RANBP2: variants seen among roughly 807,000 people sequenced by gnomAD.
RANBP2 encodes E3 SUMO-protein ligase RanBP2.
A neutral mutation model predicts 303.6 loss-of-function variants in RANBP2; 57 were observed. That is an observed-to-expected ratio of 0.19 (90% confidence interval 0.15 to 0.23). The LOEUF (loss-of-function observed/expected upper bound fraction) is 0.23, where lower values mean the gene tolerates loss of function less well. Among genes scored for constraint, RANBP2 ranks in the 10% least tolerant of loss-of-function variants. The pLI is 1.00. For missense variants in RANBP2, 3,138 were observed against 3,780.8 expected (o/e 0.83, Z 4.46); for synonymous variants, 1,167 against 1,301.5 (o/e 0.90, Z 2.23).
the RANBP2 span, among the ~76,000 whole-genome samples, chr2:109,688,601 A>ATCTCTT: frequency 6.6e-6 from 1 of 151,892 alleles, no homozygotes; most frequent in African/African-American, 2.4e-5. Context: ...CAACGTGGTG[A>ATCTCTT]AACCTTGTCT....
the RANBP2 span, among the ~76,000 whole-genome samples, chr2:109,225,822 G>A: frequency 6.6e-6 from 1 of 152,214 alleles, no homozygotes; most frequent in Non-Finnish European, 1.5e-5. Context: ...CTGCACTGCA[G>A]AAGTGCGATC....
chr2:109,555,686 A>G, the RANBP2 span, among the ~76,000 whole-genome samples: 1 of 152,190 alleles, frequency 6.6e-6, no homozygotes, highest in African/African-American at 2.4e-5. Context: ...GTTAGCAATA[A>G]TATGAACCTG....
At chr2:109,120,243 G>A in the RANBP2 span, among the ~76,000 whole-genome samples, 1 of 152,168 alleles carries the variant, frequency 6.6e-6, no homozygotes, top group African/African-American at 2.4e-5. Context: ...CCCAGTATAG[G>A]CCCAGCTGGC....
chr2:109,291,768 G>A, the RANBP2 span, among the ~76,000 whole-genome samples: 27 of 152,346 alleles, frequency 1.8e-4, no homozygotes, highest in Admixed American at 5.9e-4. Context: ...ACTTGGTAAG[G>A]TCTCCAGTTT....
At chr2:109,254,776 C>T in the RANBP2 span, among the ~76,000 whole-genome samples, 1 of 152,082 alleles carries the variant, frequency 6.6e-6, no homozygotes, top group Non-Finnish European at 1.5e-5. Flanking sequence ...GACAGTGCCC[C>T]ATGAGCGCTC....
At chr2:109,483,335 A>G in the RANBP2 span, among the ~76,000 whole-genome samples, 1 of 152,172 alleles carries the variant, frequency 6.6e-6, no homozygotes, top group Non-Finnish European at 1.5e-5. Context: ...TGCAAGCCCC[A>G]GTGGTGCCTC....
chr2:109,509,507 G>A, the RANBP2 span, among the ~76,000 whole-genome samples: 8 of 152,074 alleles, frequency 5.3e-5, no homozygotes, highest in East Asian at 1.9e-4. Context: ...GTGGCGGGTC[G>A]TCTTGCCCGG....
the RANBP2 span, among the ~76,000 whole-genome samples, chr2:108,858,376 C>T: frequency 3.9e-5 from 6 of 151,980 alleles, no homozygotes; most frequent in South Asian, 2.1e-4. Flanking sequence ...AAAACACCAA[C>T]GCTGTGCCCT....
chr2:109,577,390 T>C, the RANBP2 span, among the ~76,000 whole-genome samples: 7 of 151,974 alleles, frequency 4.6e-5, no homozygotes, highest in Non-Finnish European at 8.8e-5. Context: ...GGTCAGGAGT[T>C]CGAGACCAGC....
the RANBP2 span, among the ~76,000 whole-genome samples, chr2:109,099,503 G>A: frequency 6.6e-6 from 1 of 152,166 alleles, no homozygotes; most frequent in African/African-American, 2.4e-5. Context: ...TGGTTAGCAA[G>A]GTGGCGTACA....
At chr2:109,663,408 C>A in the RANBP2 span, among the ~76,000 whole-genome samples, 1 of 152,124 alleles carries the variant, frequency 6.6e-6, no homozygotes, top group Admixed American at 6.5e-5. Flanking sequence ...CTGTGGAGTA[C>A]CTACTGTGCC....
the RANBP2 span, among the ~76,000 whole-genome samples, chr2:109,158,553 G>C: frequency 2.0e-5 from 3 of 152,186 alleles, no homozygotes; most frequent in Non-Finnish European, 4.4e-5. Context: ...GGCGCTCAGG[G>C]CTGTCTGACT....
chr2:108,765,336 T>C lies in RANBP2; in HGVS notation c.4797T>C (p.Phe1599=). 6.2e-7 allele frequency: 1 copy of C among 1,613,706 alleles called. No individual in the cohort carries two copies. Among genetic ancestry groups the C allele is most frequent in the Non-Finnish European group, 8.5e-7 (1 of 1,179,850 alleles). The stretch of plus-strand genomic sequence containing the variant: ...CAAGCAAGGCTCCAAAGAGCGGATT[T>C]GAGGGAATGTTCACTAAGAAGGAGG... The part of the protein sequence containing the change: ...SETSKAPKSG[F]EGMFTKKEGQ... The change falls in exon 20 of 29, where the codon TTT becomes TTC. Residue 1599 remains phenylalanine, a synonymous_variant. Coordinates refer to ENST00000283195, the MANE Select transcript of RANBP2 (RefSeq NM_006267.5).
At chr2:108,912,723 T>C in the RANBP2 span, 1 of 1,602,824 alleles carries the variant, frequency 6.2e-7, no homozygotes, top group Non-Finnish European at 8.5e-7. Context: ...CTGCCCGAGG[T>C]GCCAGGGAAG....
the RANBP2 span, among the ~76,000 whole-genome samples, chr2:108,863,348 C>G: frequency 1.3e-5 from 2 of 152,156 alleles, no homozygotes; most frequent in Non-Finnish European, 2.9e-5. Flanking sequence ...TTAGGAAATA[C>G]AATGGGAAGG....
chr2:109,570,349 T>C, the RANBP2 span, among the ~76,000 whole-genome samples: 14 of 152,166 alleles, frequency 9.2e-5, no homozygotes, highest in Non-Finnish European at 1.9e-4. Flanking sequence ...GTAATGCTCA[T>C]TAATGTCTTT....
the RANBP2 span, among the ~76,000 whole-genome samples, chr2:109,430,185 A>T: frequency 6.6e-6 from 1 of 152,336 alleles, no homozygotes; most frequent in East Asian, 1.9e-4. Context: ...TGAGTTGCAT[A>T]CTGTTGCCCA....
the RANBP2 span, chr2:108,910,899 T>C: frequency 1.2e-6 from 2 of 1,612,880 alleles, no homozygotes; most frequent in Admixed American, 3.3e-5. Context: ...ACAGGGGGAG[T>C]TGACGGAGAG....
chr2:109,490,027 C>T, the RANBP2 span, among the ~76,000 whole-genome samples: 9 of 152,176 alleles, frequency 5.9e-5, no homozygotes, highest in Non-Finnish European at 1.3e-4. Context: ...CATGAGCCAC[C>T]GTGCCCAGCC....
Sources: allele counts gnomAD v4.1 joint callset (sites outside exome capture counted in the v4.1 genomes callset), GRCh38; gene constraint gnomAD v4.1.1; transcripts MANE v1.5; gene names NCBI Gene and HGNC (gene_info 2026-07-23, HGNC 2026-07-21).